The following AOAH variants were observed in gnomAD, a reference collection of about 807,000 sequenced individuals.
AOAH encodes acyloxyacyl hydrolase (neutrophil).
Under a neutral mutation model 92.2 loss-of-function variants are expected in AOAH, and 64 were observed. That is an observed-to-expected ratio of 0.69 (90% CI 0.57 to 0.86). The LOEUF is 0.86. Among genes scored for constraint, AOAH ranks in the 40% least tolerant of loss-of-function variants. The pLI, the probability that AOAH is intolerant of heterozygous loss-of-function variation, is 0.00. For synonymous variants in AOAH, 263 were observed against 254.5 expected (o/e 1.03, Z -0.32); for missense variants, 656 against 694.6 (o/e 0.94, Z 0.62).
At chr7:36,712,766 C>T (rs1798851952) in intron 1 of AOAH, among the ~76,000 whole-genome samples, 1 of 152,142 alleles carries the variant, frequency 6.6e-6, no homozygotes, top group East Asian at 1.9e-4. Flanking sequence ...AAATACTGTA[C>T]AGATAAGCAA....
At chr7:36,690,320 A>G (rs1797318008) in intron 1 of AOAH, 2 of 347,450 alleles carry the variant, frequency 5.8e-6, no homozygotes, top group Non-Finnish European at 1.1e-5. Flanking sequence ...AGGAAAGGCC[A>G]TAATGGGGTT....
chr7:36,658,927 G>A (rs1471757762), intron 4 of AOAH, among the ~76,000 whole-genome samples: 2 of 152,178 alleles, frequency 1.3e-5, no homozygotes, highest in Admixed American at 6.5e-5. Flanking sequence ...CCTACTGGCA[G>A]GCCAGCTCAA....
intron 11 of AOAH, among the ~76,000 whole-genome samples, chr7:36,615,071 T>C (rs768190044): frequency 5.9e-5 from 9 of 152,140 alleles, no homozygotes; most frequent in Non-Finnish European, 7.3e-5. Flanking sequence ...CTGGGAAGCC[T>C]CTATTCCTCC....
At chr7:36,568,066 G>A (rs1419216690) in intron 13 of AOAH, among the ~76,000 whole-genome samples, 1 of 152,226 alleles carries the variant, frequency 6.6e-6, no homozygotes, top group African/African-American at 2.4e-5. Context: ...AACCCAAAGG[G>A]GCAGTTAGAA....
At chr7:36,712,046 A>T (rs1161228371) in intron 1 of AOAH, among the ~76,000 whole-genome samples, 1 of 152,252 alleles carries the variant, frequency 6.6e-6, no homozygotes. Flanking sequence ...CAGCAGAAAC[A>T]GTGTCTTATG....
chr7:36,650,589 A>G (rs1318971594), intron 4 of AOAH, among the ~76,000 whole-genome samples: 1 of 152,328 alleles, frequency 6.6e-6, no homozygotes, highest in African/African-American at 2.4e-5. Flanking sequence ...AACCCTACCC[A>G]GGAATACCAG....
intron 1 of AOAH, among the ~76,000 whole-genome samples, chr7:36,716,574 A>G (rs1799187712): frequency 6.7e-6 from 1 of 149,384 alleles, no homozygotes; most frequent in Non-Finnish European, 1.5e-5. Context: ...GAACCAACCC[A>G]AATGTCCAAC....
intron 1 of AOAH, among the ~76,000 whole-genome samples, chr7:36,717,358 T>C (rs1302380229): frequency 1.3e-5 from 2 of 152,116 alleles, no homozygotes; most frequent in Non-Finnish European, 2.9e-5. Flanking sequence ...GCCATCTCTG[T>C]ATTTTGAGCT....
chr7:36,612,159 A>C (rs115437223), intron 11 of AOAH, among the ~76,000 whole-genome samples: 226 of 139,814 alleles, frequency 1.6e-3, no homozygotes, highest in African/African-American at 5.5e-3. Flanking sequence ...ATACAAATTC[A>C]GTGAAGAAAA....
At chr7:36,539,863 CG>C (rs1193797969) in intron 16 of AOAH, among the ~76,000 whole-genome samples, 2 of 152,122 alleles carry the variant, frequency 1.3e-5, no homozygotes, top group Non-Finnish European at 2.9e-5. Flanking sequence ...TAAAGCCTTT[CG>C]GAGCTAAGGA....
chr7:36,555,689 C>T (rs1385446283), intron 13 of AOAH, among the ~76,000 whole-genome samples: 1 of 152,124 alleles, frequency 6.6e-6, no homozygotes, highest in Non-Finnish European at 1.5e-5. Context: ...TTCAGAGATT[C>T]AACTTCTTCC....
intron 19 of AOAH, among the ~76,000 whole-genome samples, chr7:36,522,832 C>A (rs1268681167): frequency 6.6e-6 from 1 of 152,324 alleles, no homozygotes; most frequent in East Asian, 1.9e-4. Flanking sequence ...CAAAGCTACG[C>A]CCTCACTTGC....
intron 6 of AOAH, among the ~76,000 whole-genome samples, chr7:36,631,467 C>T (rs1307384694): frequency 6.6e-6 from 1 of 152,132 alleles, no homozygotes; most frequent in Non-Finnish European, 1.5e-5. Flanking sequence ...CAGCAGTTAC[C>T]ACGATGTCTA....
intron 1 of AOAH, among the ~76,000 whole-genome samples, chr7:36,698,258 C>T (rs947935919): frequency 2.0e-5 from 3 of 152,022 alleles, no homozygotes; most frequent in Admixed American, 6.6e-5. Flanking sequence ...TTTTAATTTC[C>T]TTTGGGTCTA....
chr7:36,607,918 T>C (rs907164504), intron 11 of AOAH, among the ~76,000 whole-genome samples: 9 of 152,160 alleles, frequency 5.9e-5, no homozygotes, highest in Admixed American at 5.9e-4. Context: ...GGGGAACAGG[T>C]GACTGAACTT....
Position 36,724,114 on chromosome 7 carries a change from G to C in AOAH, c.35C>G (p.Pro12Arg). The change falls in exon 1 of 21, where the codon CCT becomes CGT. Residue 12 changes from proline to arginine, a missense_variant. Coordinates refer to ENST00000617537, the MANE Select transcript of AOAH (RefSeq NM_001637.4). ...CTGAAGAGACAGGAGCAAGAATAGA[G>C]GCGCCACCGTAAGGATTTTCCAGGG... Reference protein sequence around the residue: ...QSPWKILTVAPLFLLLSLQSS... With the variant: ...QSPWKILTVARLFLLLSLQSS... The C allele has an allele frequency of 6.2e-7, 1 of 1,613,640 alleles. No individual in the cohort carries two copies. Among genetic ancestry groups the C allele is most frequent in the African/African-American group, 1.3e-5 (1 of 75,012 alleles).
rs763968654 is a variant in AOAH, at chr7:36,532,236, G to A, written c.1366-30C>T. The A allele has an allele frequency of 5.0e-6, 8 of 1,614,236 alleles. No homozygotes were observed. The Admixed American group carries it at 1.3e-4, about 27-fold the overall frequency. ...GAGCGGGAAAACACTTTTGATTACA[G>A]AGGATCAGGGTAGGTAAGCGGGCCT... On this transcript the variant is annotated intron_variant, in intron 17 of 20. Transcript: ENST00000617537.
intron 15 of AOAH, among the ~76,000 whole-genome samples, chr7:36,542,086 T>C (rs1463851069): frequency 6.6e-6 from 1 of 152,198 alleles, no homozygotes; most frequent in Admixed American, 6.5e-5. Flanking sequence ...TGAGGTCATG[T>C]TGGATTAGTG....
chr7:36,629,919 G>T (rs992603012), intron 6 of AOAH, among the ~76,000 whole-genome samples: 2 of 152,192 alleles, frequency 1.3e-5, no homozygotes, highest in Non-Finnish European at 2.9e-5. Flanking sequence ...TTTGGAAACA[G>T]GGTCTTTACA....
Sources: allele counts gnomAD v4.1 joint callset (sites outside exome capture counted in the v4.1 genomes callset), GRCh38; gene constraint gnomAD v4.1.1; transcripts MANE v1.5; gene names NCBI Gene and HGNC (gene_info 2026-07-23, HGNC 2026-07-21).